CMSS1: variants seen among roughly 807,000 people sequenced by gnomAD.
CMSS1 encodes the protein protein CMSS1.
CMSS1 carries 33 observed loss-of-function variants against 43.5 expected under a neutral mutation model. The observed-to-expected ratio is 0.76, with a 90% CI of 0.57 to 1.01. CMSS1 has a LOEUF of 1.01. Among genes scored for constraint, CMSS1 ranks in the 50% least tolerant of loss-of-function variants. The probability of loss-of-function intolerance (pLI) is 0.00; values close to 1 mark genes in which losing one functional copy is unlikely to be tolerated. For missense variants in CMSS1, 313 were observed against 326.4 expected, an observed-to-expected ratio of 0.96 and a Z score of 0.32; for synonymous variants, 115 against 117.2, an observed-to-expected ratio of 0.98 and a Z score of 0.12.
At chr3:99,922,060 A>G (rs1382194325) in intron 1 of CMSS1, among the ~76,000 whole-genome samples, 1 of 152,220 alleles carries the variant, frequency 6.6e-6, no homozygotes, top group African/African-American at 2.4e-5. Context: ...CATTCCCACC[A>G]TAAATCTGTA....
At chr3:100,077,919 G>C (rs1328083425) in intron 1 of CMSS1, among the ~76,000 whole-genome samples, 3 of 152,052 alleles carry the variant, frequency 2.0e-5, no homozygotes, top group East Asian at 3.9e-4. Flanking sequence ...AAAAAAATAA[G>C]AATAATAAGG....
chr3:99,902,637 C>G (rs141048816), intron 1 of CMSS1, among the ~76,000 whole-genome samples: 7 of 152,238 alleles, frequency 4.6e-5, no homozygotes, highest in African/African-American at 1.7e-4. Flanking sequence ...AGACACTGGA[C>G]AACCAAAAAG....
chr3:100,135,566 A>G (rs1287879215), intron 1 of CMSS1, among the ~76,000 whole-genome samples: 1 of 149,534 alleles, frequency 6.7e-6, no homozygotes, highest in Non-Finnish European at 1.5e-5. Context: ...GTATCTTCGA[A>G]CTCCTCAGCT....
At chr3:100,128,531 A>G (rs1430569655) in intron 1 of CMSS1, among the ~76,000 whole-genome samples, 1 of 152,218 alleles carries the variant, frequency 6.6e-6, no homozygotes, top group East Asian at 1.9e-4. Context: ...TAATTGAGTT[A>G]TAATTTACAT....
chr3:100,053,124 C>G (rs2065401672), intron 1 of CMSS1, among the ~76,000 whole-genome samples: 1 of 152,164 alleles, frequency 6.6e-6, no homozygotes, highest in Non-Finnish European at 1.5e-5. Context: ...CTATATATTG[C>G]TCCAATTTGG....
intron 1 of CMSS1, among the ~76,000 whole-genome samples, chr3:100,107,706 T>G (rs957982708): frequency 6.6e-6 from 1 of 152,046 alleles, no homozygotes; most frequent in African/African-American, 2.4e-5. Flanking sequence ...ACATAAATAA[T>G]TACTGCTAGA....
intron 1 of CMSS1, among the ~76,000 whole-genome samples, chr3:100,097,943 A>C (rs145615136): frequency 6.6e-6 from 1 of 152,184 alleles, no homozygotes; most frequent in Non-Finnish European, 1.5e-5. Context: ...TGGTTTTTTA[A>C]AATTTCATCA....
chr3:100,136,303 C>T (rs144996914), intron 1 of CMSS1, among the ~76,000 whole-genome samples: 6 of 152,188 alleles, frequency 3.9e-5, no homozygotes, highest in African/African-American at 1.4e-4. Context: ...ACAAATAAAA[C>T]TGGACTGGCG....
At chr3:99,850,748 T>TA in intron 1 of CMSS1, 1 of 1,614,216 alleles carries the variant, frequency 6.2e-7, no homozygotes, top group Non-Finnish European at 8.5e-7. Flanking sequence ...AGCTTCGCCA[T>TA]AATTGTGTCT....
At chr3:99,961,073 C>T (rs938878468) in intron 1 of CMSS1, among the ~76,000 whole-genome samples, 1 of 152,188 alleles carries the variant, frequency 6.6e-6, no homozygotes, top group Non-Finnish European at 1.5e-5. Flanking sequence ...TTGAGTCCCT[C>T]TGGATTATGC....
At chr3:99,970,142 ATCAT>A (rs1160642515) in intron 1 of CMSS1, among the ~76,000 whole-genome samples, 2 of 152,226 alleles carry the variant, frequency 1.3e-5, no homozygotes, top group Non-Finnish European at 2.9e-5. Flanking sequence ...CGTGCATTAA[ATCAT>A]TCATTCTCAC....
chr3:100,061,226 A>C (rs2065560313), intron 1 of CMSS1, among the ~76,000 whole-genome samples: 1 of 152,208 alleles, frequency 6.6e-6, no homozygotes, highest in Admixed American at 6.5e-5. Context: ...CTAAAATACC[A>C]AAAACAAGTG....
intron 1 of CMSS1, among the ~76,000 whole-genome samples, chr3:99,966,988 G>A (rs1250713526): frequency 1.3e-5 from 2 of 152,238 alleles, no homozygotes; most frequent in East Asian, 1.9e-4. Context: ...TTGGATGGCT[G>A]TTAGGTGATC....
intron 3 of CMSS1, 123 bp from the exon 4 acceptor site, chr3:100,162,180 C>T: frequency 3.0e-6 from 2 of 662,844 alleles, no homozygotes; most frequent in South Asian, 2.4e-5. Flanking sequence ...TATTAAAACC[C>T]ACATTCACAC....
intron 1 of CMSS1, among the ~76,000 whole-genome samples, chr3:99,984,279 A>G (rs1011673414): frequency 2.6e-5 from 4 of 152,174 alleles, no homozygotes; most frequent in African/African-American, 7.2e-5. Context: ...GTGTCCTGTC[A>G]AACAAAATGA....
intron 1 of CMSS1, among the ~76,000 whole-genome samples, chr3:99,977,447 G>C (rs902342285): frequency 1.3e-5 from 2 of 152,166 alleles, no homozygotes; most frequent in Non-Finnish European, 1.5e-5. Context: ...ATGGGCAATA[G>C]AAGTGGAGTC....
intron 1 of CMSS1, chr3:99,875,933 G>A: frequency 2.1e-6 from 1 of 471,000 alleles, no homozygotes; most frequent in Non-Finnish European, 2.8e-6. Context: ...TTTGAACCTA[G>A]AATTCATTGG....
At chr3:100,007,670 T>G (rs1181421931) in intron 1 of CMSS1, among the ~76,000 whole-genome samples, 1 of 152,204 alleles carries the variant, frequency 6.6e-6, no homozygotes, top group Non-Finnish European at 1.5e-5. Context: ...TTAAATTGCC[T>G]TAAACCAAAA....
chr3:99,924,549 G>T (rs1259529169), intron 1 of CMSS1: 2 of 827,474 alleles, frequency 2.4e-6, no homozygotes, highest in Non-Finnish European at 3.8e-6. Flanking sequence ...AACAGTTTTC[G>T]CTGTCGTTGC....
Sources: gnomAD v4.1 joint callset for allele counts (sites outside exome capture counted in the v4.1 genomes callset) on GRCh38, gnomAD v4.1.1 for gene constraint, MANE v1.5 for transcripts, NCBI Gene and HGNC (gene_info 2026-07-23, HGNC 2026-07-21) for gene names.